Variants in OPCML observed in about 807,000 individuals in gnomAD.
The protein encoded by OPCML is opioid-binding protein/cell adhesion molecule.
A neutral mutation model predicts 37.8 loss-of-function variants in OPCML; 13 were observed. That is an observed-to-expected ratio of 0.34 (90% confidence interval 0.22 to 0.55). The LOEUF (loss-of-function observed/expected upper bound fraction) is 0.55. Ranked by LOEUF, OPCML falls within the 20% of genes least tolerant of loss-of-function variation. The pLI is 0.91. For synonymous variants in OPCML, 176 were observed against 168.8 expected (o/e 1.04, Z -0.33); for missense variants, 341 against 435.6 (o/e 0.78, Z 1.93).
At chr11:133,014,415 G>A (rs1947280181) in intron 1 of OPCML, among the ~76,000 whole-genome samples, 1 of 152,060 alleles carries the variant, frequency 6.6e-6, no homozygotes, top group Admixed American at 6.5e-5. Context: ...CTCCCCTACG[G>A]TTGCAAGATA....
intron 4 of OPCML, among the ~76,000 whole-genome samples, chr11:132,527,193 T>C (rs1240131637): frequency 3.3e-5 from 5 of 152,198 alleles, no homozygotes; most frequent in African/African-American, 1.2e-4. Context: ...TAAAAACATT[T>C]GTGTACAATG....
At chr11:133,518,226 G>T (rs773605607) in intron 1 of OPCML, among the ~76,000 whole-genome samples, 18 of 150,518 alleles carry the variant, frequency 1.2e-4, no homozygotes, top group Non-Finnish European at 1.9e-4. Flanking sequence ...TGTGTGGGGG[G>T]GTGTGTTTGT....
intron 3 of OPCML, among the ~76,000 whole-genome samples, chr11:132,535,638 C>T (rs2096338628): frequency 6.6e-6 from 1 of 152,182 alleles, no homozygotes; most frequent in South Asian, 2.1e-4. Context: ...AGACAGGATG[C>T]TGGGACACAG....
At chr11:132,866,359 T>C (rs1406422456) in intron 2 of OPCML, among the ~76,000 whole-genome samples, 1 of 152,208 alleles carries the variant, frequency 6.6e-6, no homozygotes, top group African/African-American at 2.4e-5. Context: ...CTACTTGTGA[T>C]CCTATTAAGC....
At chr11:132,799,491 A>G (rs1004774056) in intron 2 of OPCML, among the ~76,000 whole-genome samples, 1 of 152,118 alleles carries the variant, frequency 6.6e-6, no homozygotes, top group Non-Finnish European at 1.5e-5. Context: ...CACACACACT[A>G]TTTACTAAGT....
chr11:132,947,538 T>C (rs1156921457), intron 1 of OPCML, among the ~76,000 whole-genome samples: 1 of 152,228 alleles, frequency 6.6e-6, no homozygotes, highest in African/African-American at 2.4e-5. Context: ...TGTTAATCTC[T>C]GTGAGCCTAC....
At chr11:132,424,893 C>G (rs534335268) in intron 7 of OPCML, among the ~76,000 whole-genome samples, 3 of 152,194 alleles carry the variant, frequency 2.0e-5, no homozygotes, top group East Asian at 1.9e-4. Context: ...TATGTTGAAC[C>G]TGGGGTGAGG....
intron 1 of OPCML, among the ~76,000 whole-genome samples, chr11:132,959,632 C>T (rs1336817512): frequency 6.6e-6 from 1 of 152,160 alleles, no homozygotes; most frequent in Non-Finnish European, 1.5e-5. Context: ...GCTCTGTAAG[C>T]ATCCTAGTGG....
rs533086585 is a variant in OPCML, at chr11:132,667,270, G to C, written c.147-9951C>G. Among the ~76,000 whole-genome samples the C allele has an allele frequency of 1.4e-4, 21 of 152,240 alleles. No homozygotes were observed. In the East Asian group the frequency reaches 4.1e-3, roughly 29 times the overall value. On this transcript the variant is annotated intron_variant, in intron 2 of 7. Transcript: ENST00000524381. The stretch of plus-strand genomic sequence containing the variant: ...GCAAATATTTACTGAATACCTATTG[G>C]GTGCTGGGATGTTTCTAACTTTTGT...
intron 3 of OPCML, among the ~76,000 whole-genome samples, chr11:132,557,169 C>T (rs1375111344): frequency 2.0e-5 from 3 of 152,110 alleles, no homozygotes; most frequent in Non-Finnish European, 4.4e-5. Flanking sequence ...GCCTTTGCAA[C>T]TGTTGTTATT....
intron 4 of OPCML, among the ~76,000 whole-genome samples, chr11:132,441,165 G>GTTTTTTTTTTTTTTTCTTTT (rs2096032025): frequency 1.4e-5 from 1 of 72,402 alleles, no homozygotes; most frequent in Non-Finnish European, 2.3e-5. Flanking sequence ...GGACTTTTTT[G>GTTTTTTTTTTTTTTTCTTTT]TTTTTTTTTT....
Position 133,005,978 on chromosome 11 carries a change from A to C in OPCML, c.62-62968T>G, listed in dbSNP as rs1591903402. 2.1e-5 allele frequency: 21 copies of C among 985,414 alleles called. No homozygotes were observed. The South Asian group carries it at 8.9e-4, about 42-fold the overall frequency. The allele number at this position is 985,414 out of a possible 1,614,324, so 61.0% of individuals were successfully genotyped here. On this transcript the variant is annotated intron_variant, in intron 1 of 7. Transcript: ENST00000524381. ...CTTCCAGGACAAGTTCTAAAAGGGA[A>C]GATGTCTCTTTTCCTTGCCCTTCTC... is the stretch of plus-strand genomic sequence containing the variant.
chr11:132,723,832 C>T (rs2135986999), intron 2 of OPCML, among the ~76,000 whole-genome samples: 1 of 152,288 alleles, frequency 6.6e-6, no homozygotes, highest in Non-Finnish European at 1.5e-5. Context: ...GGATGGTCCT[C>T]TAGCCCTTTC....
At chr11:132,481,136 T>A (rs1715071125) in intron 4 of OPCML, among the ~76,000 whole-genome samples, 1 of 152,110 alleles carries the variant, frequency 6.6e-6, no homozygotes, top group Non-Finnish European at 1.5e-5. Context: ...ACAAATTGGA[T>A]AAAGAGTCAA....
chr11:133,518,762 G>A (rs2120682597), intron 1 of OPCML, among the ~76,000 whole-genome samples: 1 of 152,130 alleles, frequency 6.6e-6, no homozygotes, highest in East Asian at 1.9e-4. Flanking sequence ...TGGTGTGTTG[G>A]GGGCTGGGCT....
intron 7 of OPCML, among the ~76,000 whole-genome samples, chr11:132,433,871 C>T (rs2096005242): frequency 6.6e-6 from 1 of 152,232 alleles, no homozygotes; most frequent in Non-Finnish European, 1.5e-5. Context: ...GCATCTTGGA[C>T]TTCTAGCCTC....
intron 1 of OPCML, among the ~76,000 whole-genome samples, chr11:133,214,986 T>C (rs1939523374): frequency 6.6e-6 from 1 of 152,210 alleles, no homozygotes; most frequent in Non-Finnish European, 1.5e-5. Context: ...ATGACATTTT[T>C]CATCTGAAAA....
At chr11:133,169,084 G>A (rs1304278066) in intron 1 of OPCML, among the ~76,000 whole-genome samples, 11 of 152,148 alleles carry the variant, frequency 7.2e-5, no homozygotes, top group Non-Finnish European at 7.3e-5. Flanking sequence ...AGCCGAGATC[G>A]CGCCATTGCA....
intron 1 of OPCML, among the ~76,000 whole-genome samples, chr11:133,317,590 C>T (rs962699327): frequency 2.6e-5 from 4 of 152,230 alleles, no homozygotes; most frequent in Non-Finnish European, 4.4e-5. Context: ...GTAGTCGCAA[C>T]GGAGTTAGAA....
Sources: gnomAD v4.1 joint callset for allele counts (sites outside exome capture counted in the v4.1 genomes callset) on GRCh38, gnomAD v4.1.1 for gene constraint, MANE v1.5 for transcripts, NCBI Gene and HGNC (gene_info 2026-07-23, HGNC 2026-07-21) for gene names.